Variants in CKAP5 observed in about 807,000 individuals in gnomAD.
The protein encoded by CKAP5 is cytoskeleton associated protein 5.
A neutral mutation model predicts 232.8 loss-of-function variants in CKAP5; 27 were observed. The ratio of observed to expected loss-of-function variants is 0.12; its 90% CI spans 0.09 to 0.16. The LOEUF (loss-of-function observed/expected upper bound fraction) is 0.16, where lower values mean the gene tolerates loss of function less well. CKAP5 is among the 10% of genes least tolerant of loss of function. The probability of loss-of-function intolerance (pLI) is 1.00; values close to 1 mark genes in which losing one functional copy is unlikely to be tolerated. For synonymous variants in CKAP5, 785 were observed against 841.1 expected (o/e 0.93, Z 1.16); for missense variants, 1,838 against 2,424.7 (o/e 0.76, Z 5.08).
At chr11:46,834,519 C>CAAAAAAA (rs35792132) in intron 1 of CKAP5, among the ~76,000 whole-genome samples, 2 of 53,570 alleles carry the variant, frequency 3.7e-5, no homozygotes, top group African/African-American at 7.7e-5. Flanking sequence ...AACTCCATCT[C>CAAAAAAA]AAAAAAAAAA....
chr11:46,753,505 G>C lies in CKAP5; in HGVS notation c.4870-8C>G, dbSNP rs748440168. ...GCTCTCTATCTGAAACAGCTATCCA[G>C]ACATACTTGTGTCAGGGAGGTGTAA... On this transcript the variant is annotated splice_polypyrimidine_tract_variant and splice_region_variant and intron_variant, in intron 36 of 43. Coordinates refer to ENST00000529230, the MANE Select transcript of CKAP5 (RefSeq NM_001008938.4). 6.3e-7 allele frequency: 1 copy of C among 1,599,278 alleles called. No homozygotes were observed. The highest frequency in any genetic ancestry group is 8.5e-7 in the Non-Finnish European group (1 of 1,173,590).
intron 24 of CKAP5, among the ~76,000 whole-genome samples, chr11:46,775,129 A>G (rs2065280018): frequency 6.6e-6 from 1 of 152,242 alleles, no homozygotes; most frequent in African/African-American, 2.4e-5. Context: ...AGGAACTTAA[A>G]CAAATTTATA....
At position 46,783,299 on chromosome 11, in the gene CKAP5, C is replaced by A; in HGVS notation, c.2224G>T (p.Ala742Ser). The A allele has an allele frequency of 6.2e-7, 1 of 1,610,930 alleles. No homozygotes were observed. The highest frequency in any genetic ancestry group is 2.2e-5 in the East Asian group (1 of 44,766). Residue 742 changes from alanine to serine, a missense_variant, in exon 18 of 44, where the codon GCC becomes TCC. Ala to Ser is a moderately conservative substitution (Grantham distance 99). Around this residue, in one of 6 missense-constraint regions of CKAP5, gnomAD observed 767 missense variants for 954.6 expected, o/e 0.80. Coordinates refer to ENST00000529230, the MANE Select transcript of CKAP5 (RefSeq NM_001008938.4). ...CCAGAAAAACCAAATTCTTTTATGG[C>A]ATTTGATAGCCAATTCAGAGTTTCT... The part of the protein sequence containing the change: ...QSETLNWLSN[A>S]IKEFGFSGLN...
intron 42 of CKAP5, among the ~76,000 whole-genome samples, chr11:46,747,583 G>A (rs1483276554): frequency 6.9e-6 from 1 of 144,746 alleles, no homozygotes; most frequent in African/African-American, 2.6e-5. Context: ...GCCTGGGCGA[G>A]AGAGCAAGAC....
intron 12 of CKAP5, among the ~76,000 whole-genome samples, 180 bp downstream of exon 12, chr11:46,796,632 A>C (rs1938882910): frequency 6.6e-6 from 1 of 152,106 alleles, no homozygotes; most frequent in South Asian, 2.1e-4. Context: ...AAAGTACCAG[A>C]GAGCATCCTC....
intron 8 of CKAP5, among the ~76,000 whole-genome samples, chr11:46,801,669 CA>C (rs1005015545): frequency 1.4e-3 from 191 of 135,570 alleles, no homozygotes; most frequent in Admixed American, 1.8e-3. Flanking sequence ...GACTCCATCT[CA>C]AAAAAAAAAA....
chr11:46,755,366 AC>A (rs764953118), intron 35 of CKAP5, among the ~76,000 whole-genome samples: 7 of 151,988 alleles, frequency 4.6e-5, no homozygotes, highest in Non-Finnish European at 7.4e-5. Flanking sequence ...GGCGCCTGCC[AC>A]CACGCCAATT....
chr11:46,785,034 C>T (rs764222291), intron 16 of CKAP5, among the ~76,000 whole-genome samples: 2 of 152,180 alleles, frequency 1.3e-5, no homozygotes, highest in Non-Finnish European at 2.9e-5. Flanking sequence ...ACTATACTGA[C>T]TGCATAACTG....
At chr11:46,776,421 T>A in intron 23 of CKAP5, 38 bp from the exon 24 acceptor site, 11 of 1,576,726 alleles carry the variant, frequency 7.0e-6, no homozygotes, top group Non-Finnish European at 9.5e-6. Context: ...TAATATCTAC[T>A]ACAGTTTGGA....
At chr11:46,770,177 G>A in intron 25 of CKAP5, 79 bp from the exon 26 acceptor site, 1 of 1,454,878 alleles carries the variant, frequency 6.9e-7, no homozygotes, top group South Asian at 1.2e-5. Context: ...CAAATCCTCT[G>A]TCAAACAAAT....
rs753553401 is a variant in CKAP5, at chr11:46,763,524, G to A, written c.3644C>T (p.Ser1215Leu). 2 of 1,604,006 alleles carry A rather than the reference G, an allele frequency of 1.2e-6. No homozygotes were observed. Among genetic ancestry groups the A allele is most frequent in the Non-Finnish European group, 1.7e-6 (2 of 1,176,630 alleles). Residue 1215 changes from serine (S) to leucine (L), a missense_variant, in exon 29 of 44, where the codon TCA becomes TTA. Around this residue, in one of 6 missense-constraint regions of CKAP5, gnomAD observed 767 missense variants for 954.6 expected, o/e 0.80. Coordinates refer to ENST00000529230, the MANE Select transcript of CKAP5 (RefSeq NM_001008938.4). ...AKWLQDEMFH[S>L]DFQHHNKALA... is the part of the protein sequence containing the mutation. ...GGCTTTGTTATGATGCTGAAAGTCT[G>A]AGTGAAACATCTCATCTTGTAACCA...
chr11:46,841,997 C>A (rs1019312766), intron 1 of CKAP5, among the ~76,000 whole-genome samples: 614 of 109,282 alleles, frequency 5.6e-3, no homozygotes, highest in African/African-American at 0.014. Flanking sequence ...GACTTTGGTT[C>A]AAAAAAAAAA....
In CKAP5 at chr11:46,801,187, G is replaced by A. The variant is rs1446545550; in HGVS notation, c.1083+13C>T. The stretch of plus-strand genomic sequence containing the variant: ...ATTTTGTTGATCTGTATCTAAAAAG[G>A]AGTGTTACTTACATGTCCTGCATAT... On this transcript the variant is annotated intron_variant, in intron 9 of 43. Transcript: ENST00000529230. The A allele has an allele frequency of 1.3e-6, 2 of 1,575,230 alleles. No homozygotes were observed. Among genetic ancestry groups the A allele is most frequent in the Non-Finnish European group, 1.7e-6 (2 of 1,144,906 alleles).
intron 21 of CKAP5, 63 bp downstream of exon 21, chr11:46,778,394 AAAG>A (rs2065308915): frequency 9.3e-6 from 15 of 1,606,190 alleles, no homozygotes; most frequent in African/African-American, 1.3e-5. Flanking sequence ...CTGAATTCAA[AAAG>A]AAGACAACAT....
At chr11:46,815,078 T>C (rs1939366749) in intron 4 of CKAP5, among the ~76,000 whole-genome samples, 1 of 152,066 alleles carries the variant, frequency 6.6e-6, no homozygotes, top group African/African-American at 2.4e-5. Flanking sequence ...TGAGAGGGAG[T>C]CTTGCTTTGT....
chr11:46,760,945 G>A (rs2065149545), intron 32 of CKAP5, among the ~76,000 whole-genome samples, 161 bp from the exon 33 acceptor site: 1 of 152,170 alleles, frequency 6.6e-6, no homozygotes, highest in Non-Finnish European at 1.5e-5. Flanking sequence ...TATAGGAAGA[G>A]GAGATATGAA....
chr11:46,833,770 C>A (rs1167406629), intron 1 of CKAP5, among the ~76,000 whole-genome samples: 1 of 149,406 alleles, frequency 6.7e-6, no homozygotes, highest in East Asian at 2.0e-4. Context: ...AGCCACTGGG[C>A]CCAGCTAAGT....
rs1486806777 is a variant in CKAP5 at position 46,796,944 on chromosome 11, T to C, written c.1339-4A>G. The C allele has an allele frequency of 6.2e-7, 1 of 1,613,680 alleles. No individual in the cohort carries two copies. The highest frequency in any genetic ancestry group is 8.5e-7 in the Non-Finnish European group (1 of 1,179,794). ...CAGGAGCAGAATCATTGATGTGCTA[T>C]AGTCCAGAAGTAAGCAAAATGATAT... On this transcript the variant is annotated splice_region_variant and splice_polypyrimidine_tract_variant and intron_variant, in intron 11 of 43. Transcript: ENST00000529230.
chr11:46,810,108 A>G (rs1419546781), intron 5 of CKAP5, among the ~76,000 whole-genome samples: 1 of 151,728 alleles, frequency 6.6e-6, no homozygotes, highest in African/African-American at 2.4e-5. Context: ...AGTGGCTAGG[A>G]TTACAGGTGT....
Sources: gnomAD v4.1 joint callset for allele counts (sites outside exome capture counted in the v4.1 genomes callset) on GRCh38, gnomAD v4.1.1 for gene constraint, gnomAD v4.1.1 regional missense constraint, MANE v1.5 for transcripts, NCBI Gene and HGNC (gene_info 2026-07-23, HGNC 2026-07-21) for gene names.